Variants in TRHDE observed in about 807,000 individuals in gnomAD.
TRHDE encodes thyrotropin releasing hormone degrading enzyme.
In TRHDE, 72 loss-of-function variants were observed where a neutral mutation model predicts 125.7. The ratio of observed to expected loss-of-function variants is 0.57; its 90% CI spans 0.47 to 0.70. The LOEUF is 0.70. TRHDE is among the 30% of genes least tolerant of loss of function. The pLI, the probability that TRHDE is intolerant of heterozygous loss-of-function variation, is 0.00. For synonymous variants in TRHDE, 509 were observed against 509.1 expected (o/e 1.00, Z 0.00); for missense variants, 1,110 against 1,327.1 (o/e 0.84, Z 2.54).
At chr12:72,404,185 G>A (rs1029401423) in intron 3 of TRHDE, among the ~76,000 whole-genome samples, 10 of 152,096 alleles carry the variant, frequency 6.6e-5, no homozygotes, top group African/African-American at 9.7e-5. Flanking sequence ...AGGCTGAGGC[G>A]GGTGGATCAC....
chr12:72,428,311 A>C (rs1016254554), intron 3 of TRHDE, among the ~76,000 whole-genome samples: 1 of 152,068 alleles, frequency 6.6e-6, no homozygotes, highest in Non-Finnish European at 1.5e-5. Flanking sequence ...TAATTCCATA[A>C]TGTGTCATTT....
chr12:72,302,246 ATGTGTGTG>A (rs10581163), intron 2 of TRHDE, among the ~76,000 whole-genome samples: 6 of 149,348 alleles, frequency 4.0e-5, no homozygotes, highest in South Asian at 4.3e-4. Context: ...GTGTGTGTGT[ATGTGTGTG>A]TGTGTGTGTG....
At chr12:72,177,638 GT>G (rs1877017289) in intron 2 of TRHDE, among the ~76,000 whole-genome samples, 1 of 151,994 alleles carries the variant, frequency 6.6e-6, no homozygotes, top group Admixed American at 6.6e-5. Flanking sequence ...TTTATAGAAT[GT>G]TGCAGTAAGG....
intron 3 of TRHDE, among the ~76,000 whole-genome samples, chr12:72,422,342 C>T (rs997187891): frequency 2.0e-5 from 3 of 152,142 alleles, no homozygotes; most frequent in Non-Finnish European, 4.4e-5. Context: ...TTTTTGCATT[C>T]CCTACACAAT....
At chr12:72,560,126 G>C (rs1359270919) in intron 7 of TRHDE, among the ~76,000 whole-genome samples, 1 of 131,886 alleles carries the variant, frequency 7.6e-6, no homozygotes, top group Non-Finnish European at 1.5e-5. Flanking sequence ...TTAAAAAAGG[G>C]AAACTTTAAA....
chr12:72,623,116 C>T (rs905726471), intron 15 of TRHDE, among the ~76,000 whole-genome samples: 5 of 151,996 alleles, frequency 3.3e-5, no homozygotes, highest in Non-Finnish European at 4.4e-5. Flanking sequence ...AATTCTACCA[C>T]GTTTAATCAG....
At chr12:72,447,930 A>G (rs1458739353) in intron 3 of TRHDE, among the ~76,000 whole-genome samples, 4 of 152,040 alleles carry the variant, frequency 2.6e-5, no homozygotes, top group African/African-American at 9.7e-5. Context: ...AAAAATTTAT[A>G]ACTGTAACAC....
At chr12:72,659,463 C>T (rs1249523982) in intron 18 of TRHDE, among the ~76,000 whole-genome samples, 3 of 152,082 alleles carry the variant, frequency 2.0e-5, no homozygotes, top group African/African-American at 7.2e-5. Flanking sequence ...AGATCCTATG[C>T]ATCAAAGGCA....
At chr12:72,529,904 T>C (rs1868452858) in intron 6 of TRHDE, among the ~76,000 whole-genome samples, 1 of 152,152 alleles carries the variant, frequency 6.6e-6, no homozygotes, top group Non-Finnish European at 1.5e-5. Flanking sequence ...TTCTTACGCC[T>C]CCAACCCTGT....
At chr12:72,305,037 AGAG>A (rs757858486) in intron 2 of TRHDE, among the ~76,000 whole-genome samples, 1 of 152,190 alleles carries the variant, frequency 6.6e-6, no homozygotes, top group Non-Finnish European at 1.5e-5. Context: ...AGAGAGAGAG[AGAG>A]TAGATATTAA....
At chr12:72,414,088 T>C (rs1480490649) in intron 3 of TRHDE, among the ~76,000 whole-genome samples, 3 of 152,140 alleles carry the variant, frequency 2.0e-5, no homozygotes, top group African/African-American at 2.4e-5. Context: ...TTGAGGACTA[T>C]TACTATTTGT....
chr12:72,560,117 TA>T (rs143537666), intron 7 of TRHDE, among the ~76,000 whole-genome samples: 82,215 of 151,782 alleles, frequency 0.54, 26,352 homozygotes, highest in South Asian at 0.74. Flanking sequence ...CTTTCTCTTT[TA>T]AAAAAGGGAA....
intron 2 of TRHDE, among the ~76,000 whole-genome samples, chr12:72,107,951 C>A (rs982673689): frequency 1.3e-4 from 20 of 152,110 alleles, no homozygotes; most frequent in Admixed American, 9.2e-4. Context: ...AATCACCCAA[C>A]TAATGATGTG....
At chr12:72,500,636 C>G (rs1330489506) in intron 6 of TRHDE, among the ~76,000 whole-genome samples, 1 of 152,026 alleles carries the variant, frequency 6.6e-6, no homozygotes, top group African/African-American at 2.4e-5. Flanking sequence ...AAGTAATCCA[C>G]CCGCCTCTGC....
intron 2 of TRHDE, among the ~76,000 whole-genome samples, chr12:72,355,822 A>G (rs1259039881): frequency 1.3e-5 from 2 of 151,932 alleles, no homozygotes; most frequent in South Asian, 4.1e-4. Context: ...ATTGATCATT[A>G]GAGAAATGCA....
intron 3 of TRHDE, among the ~76,000 whole-genome samples, chr12:72,468,529 C>G (rs1275714320): frequency 6.6e-6 from 1 of 152,214 alleles, no homozygotes; most frequent in African/African-American, 2.4e-5. Context: ...GGGTCAGAGA[C>G]TGTAAACACT....
chr12:72,328,400 C>T (rs893102381), intron 2 of TRHDE, among the ~76,000 whole-genome samples: 3 of 152,022 alleles, frequency 2.0e-5, no homozygotes, highest in Non-Finnish European at 2.9e-5. Context: ...TTTTCACAAA[C>T]AACATTCACA....
At chr12:72,504,065 T>C (rs1441636115) in intron 6 of TRHDE, among the ~76,000 whole-genome samples, 2 of 152,020 alleles carry the variant, frequency 1.3e-5, no homozygotes, top group Non-Finnish European at 2.9e-5. Flanking sequence ...CACCTCAGAA[T>C]CTAAGGAGTT....
intron 6 of TRHDE, among the ~76,000 whole-genome samples, chr12:72,500,780 T>A (rs1878116824): frequency 6.6e-6 from 1 of 151,456 alleles, no homozygotes; most frequent in African/African-American, 2.4e-5. Flanking sequence ...AGTTATACCC[T>A]GAAGCATTTA....
Sources: allele counts gnomAD v4.1 joint callset (sites outside exome capture counted in the v4.1 genomes callset), GRCh38; gene constraint gnomAD v4.1.1; transcripts MANE v1.5; gene names NCBI Gene and HGNC (gene_info 2026-07-23, HGNC 2026-07-21).